RAB38: variants seen among roughly 807,000 people sequenced by gnomAD.
RAB38 encodes RAB38, member RAS oncogene family.
Under a neutral mutation model 18.4 loss-of-function variants are expected in RAB38, and 15 were observed. The ratio of observed to expected loss-of-function variants is 0.82; its 90% confidence interval spans 0.55 to 1.26. The LOEUF (loss-of-function observed/expected upper bound fraction) is 1.26, where lower values mean the gene tolerates loss of function less well. RAB38 is among the 50% of genes most tolerant of loss of function. The probability of loss-of-function intolerance (pLI) is 0.00; values close to 1 mark genes in which losing one functional copy is unlikely to be tolerated. For synonymous variants in RAB38, 101 were observed against 104.4 expected (o/e 0.97, Z 0.20); for missense variants, 294 against 267.4 (o/e 1.10, Z -0.69).
chr11:87,837,701 A>T, the RAB38 span, among the ~76,000 whole-genome samples: 1 of 152,200 alleles, frequency 6.6e-6, no homozygotes, highest in African/African-American at 2.4e-5. Context: ...TAACTGATCT[A>T]TGTAACTAAG....
chr11:87,968,337 C>A, the RAB38 span, among the ~76,000 whole-genome samples: 2 of 152,086 alleles, frequency 1.3e-5, no homozygotes, highest in African/African-American at 4.8e-5. Context: ...TATTAGGACT[C>A]AAGGTGTGGC....
the RAB38 span, among the ~76,000 whole-genome samples, chr11:87,947,814 G>A: frequency 6.6e-6 from 1 of 152,212 alleles, no homozygotes; most frequent in Non-Finnish European, 1.5e-5. Context: ...ATAGTCTGAA[G>A]TCAGGTAGCG....
downstream of RAB38, among the ~76,000 whole-genome samples, chr11:88,111,826 C>T (rs531568228): frequency 6.6e-6 from 1 of 152,290 alleles, no homozygotes; most frequent in Non-Finnish European, 1.5e-5. Context: ...GTCTTCTAGG[C>T]TCTCCTGGAG....
the RAB38 span, among the ~76,000 whole-genome samples, chr11:88,012,127 T>C: frequency 6.6e-6 from 1 of 152,108 alleles, no homozygotes; most frequent in Non-Finnish European, 1.5e-5. Context: ...CTGGGCCTCA[T>C]CAGATTTTCA....
chr11:87,901,454 T>C, the RAB38 span, among the ~76,000 whole-genome samples: 1,115 of 151,758 alleles, frequency 7.3e-3, 14 homozygotes, highest in African/African-American at 0.025. Context: ...TGTAATATTT[T>C]TTCTAAAGAA....
chr11:88,025,290 A>C, the RAB38 span, among the ~76,000 whole-genome samples: 2 of 151,588 alleles, frequency 1.3e-5, no homozygotes, highest in Non-Finnish European at 2.9e-5. Context: ...ATTGATGGGC[A>C]CCTAGCTTGA....
At chr11:87,976,528 ATT>A in the RAB38 span, among the ~76,000 whole-genome samples, 27 of 126,178 alleles carry the variant, frequency 2.1e-4, no homozygotes, top group Non-Finnish European at 3.9e-4. Flanking sequence ...TTTTATATAT[ATT>A]TTTTACATTT....
the RAB38 span, among the ~76,000 whole-genome samples, chr11:88,051,401 TC>T: frequency 0.029 from 4,437 of 151,892 alleles, 146 homozygotes; most frequent in East Asian, 0.15. Context: ...GTGACATACA[TC>T]ACCACCTAGG....
chr11:87,882,482 T>C, the RAB38 span, among the ~76,000 whole-genome samples: 1 of 151,900 alleles, frequency 6.6e-6, no homozygotes, highest in East Asian at 2.0e-4. Flanking sequence ...AATCTGCAGA[T>C]TGTTTGAGAA....
the RAB38 span, among the ~76,000 whole-genome samples, chr11:87,914,468 G>A: frequency 1.3e-5 from 2 of 152,238 alleles, no homozygotes; most frequent in African/African-American, 2.4e-5. Flanking sequence ...CCAAGAAGTG[G>A]TATGGTTACT....
chr11:88,120,746 A>G (rs1218955795), intron 2 of RAB38, among the ~76,000 whole-genome samples: 2 of 151,976 alleles, frequency 1.3e-5, no homozygotes, highest in Non-Finnish European at 2.9e-5. Flanking sequence ...GTGTATTTCA[A>G]ATTTTTCTTA....
chr11:87,882,533 A>G, the RAB38 span, among the ~76,000 whole-genome samples: 1 of 151,862 alleles, frequency 6.6e-6, no homozygotes, highest in Non-Finnish European at 1.5e-5. Context: ...TTATCTACCA[A>G]TTTTTATGAA....
chr11:87,908,031 T>G, the RAB38 span, among the ~76,000 whole-genome samples: 1 of 151,924 alleles, frequency 6.6e-6, no homozygotes, highest in Non-Finnish European at 1.5e-5. Context: ...TGATAATATT[T>G]TTTCTTCTCT....
intron 2 of RAB38, among the ~76,000 whole-genome samples, chr11:88,119,024 G>A (rs900139253): frequency 6.6e-6 from 1 of 152,050 alleles, no homozygotes; most frequent in African/African-American, 2.4e-5. Context: ...CCCAATTCCA[G>A]TTCCCATCCT....
the RAB38 span, among the ~76,000 whole-genome samples, chr11:87,898,934 G>C: frequency 2.0e-5 from 3 of 151,750 alleles, no homozygotes; most frequent in South Asian, 6.2e-4. Context: ...ACTGCTTCTT[G>C]TTAAGGTATT....
the RAB38 span, among the ~76,000 whole-genome samples, chr11:87,911,306 T>G: frequency 6.6e-6 from 1 of 152,068 alleles, no homozygotes; most frequent in South Asian, 2.1e-4. Context: ...CTTGTCAAGC[T>G]CTATAAAAAG....
At chr11:87,942,332 C>G in the RAB38 span, among the ~76,000 whole-genome samples, 3 of 152,112 alleles carry the variant, frequency 2.0e-5, no homozygotes, top group Non-Finnish European at 4.4e-5. Flanking sequence ...GGAGAAAAGA[C>G]ACGGCCATTT....
the RAB38 span, among the ~76,000 whole-genome samples, chr11:87,939,931 C>G: frequency 6.6e-6 from 1 of 151,634 alleles, no homozygotes; most frequent in Non-Finnish European, 1.5e-5. Context: ...AATCAATAAT[C>G]TATAGTTTCA....
At chr11:88,170,370 C>T (rs1943296599) in intron 1 of RAB38, among the ~76,000 whole-genome samples, 1 of 152,176 alleles carries the variant, frequency 6.6e-6, no homozygotes, top group Admixed American at 6.5e-5. Flanking sequence ...TTTCTACATT[C>T]CTAGACCTAC....
Sources: allele counts gnomAD v4.1 joint callset (sites outside exome capture counted in the v4.1 genomes callset), GRCh38; gene constraint gnomAD v4.1.1; transcripts MANE v1.5; gene names NCBI Gene and HGNC (gene_info 2026-07-23, HGNC 2026-07-21).